The following ITPR3 variants were observed in gnomAD, a reference collection of about 807,000 sequenced individuals.
ITPR3 encodes inositol 1,4,5-trisphosphate-gated calcium channel ITPR3.
A neutral mutation model predicts 293.2 loss-of-function variants in ITPR3; 173 were observed. The ratio of observed to expected loss-of-function variants is 0.59; its 90% CI spans 0.52 to 0.67. The LOEUF (loss-of-function observed/expected upper bound fraction) is 0.67. ITPR3 is among the 30% of genes least tolerant of loss of function. The pLI, the probability that ITPR3 is intolerant of heterozygous loss-of-function variation, is 0.00. For missense variants in ITPR3, 2,796 were observed against 3,592.1 expected (o/e 0.78, Z 5.66); for synonymous variants, 1,295 against 1,444.4 (o/e 0.90, Z 2.35).
intron 1 of ITPR3, among the ~76,000 whole-genome samples, chr6:33,639,476 G>T (rs930655456): frequency 3.9e-5 from 6 of 152,032 alleles, no homozygotes; most frequent in Non-Finnish European, 8.8e-5. Flanking sequence ...GTGGGTTTAG[G>T]CAAGTTATTT....
rs1216993977 is a variant in ITPR3 at position 33,684,927 on chromosome 6, G to T, written c.5291G>T (p.Gly1764Val). ...IGLAIHLLDG[G>V]NTEIQKSFHN... ...CTGGCCATCCACCTGCTGGATGGTG[G>T]CAACACAGAGATCCAGGTGTGGGGG... is the stretch of plus-strand genomic sequence containing the variant. Residue 1764 changes from glycine (G) to valine (V), a missense_variant, in exon 39 of 58, where the codon GGC becomes GTC. Coordinates refer to ENST00000605930, the MANE Select transcript of ITPR3 (RefSeq NM_002224.4). The surrounding 1 kb of genome is among the most constrained non-coding windows in gnomAD (Gnocchi z 4.2). The T allele has an allele frequency of 5.0e-6, 8 of 1,611,742 alleles. No individual in the cohort carries two copies. Among genetic ancestry groups the T allele is most frequent in the Non-Finnish European group, 1.7e-6 (2 of 1,178,614 alleles).
Position 33,685,450 on chromosome 6 carries a change from C to G in ITPR3, c.5399C>G (p.Thr1800Ser). The G allele has an allele frequency of 6.2e-7, 1 of 1,614,062 alleles. No homozygotes were observed. Among genetic ancestry groups the G allele is most frequent in the Non-Finnish European group, 8.5e-7 (1 of 1,180,012 alleles). Residue 1800 changes from threonine to serine, a missense_variant, in exon 40 of 58, where the codon ACC becomes AGC. This residue lies in a region of ITPR3 where 704 missense variants were observed against 797.5 expected (regional missense o/e 0.88). Coordinates refer to ENST00000605930, the MANE Select transcript of ITPR3 (RefSeq NM_002224.4). Reference protein sequence around the residue: ...HDRMKRAQQETKSTVAVNMND... With the variant: ...HDRMKRAQQESKSTVAVNMND... ...CGCATGAAGCGGGCCCAGCAGGAGA[C>G]CAAGTCCACGGTGGCAGTCAACATG...
At position 33,684,854 on chromosome 6, in the gene ITPR3, C is replaced by T. The variant is rs768735301; in HGVS notation, c.5218C>T (p.Leu1740Phe). The stretch of plus-strand genomic sequence containing the variant: ...GGGGGCCACCAAGTTGGTATGCGAC[C>T]TCATCACCAGCACCAAGAACGAGAA... ...KEGATKLVCD[L>F]ITSTKNEKIF... The change falls in exon 39 of 58, where the codon CTC (leucine) becomes TTC (phenylalanine). Residue 1740 changes from leucine to phenylalanine, a missense_variant. By Grantham distance (22) the Leu-to-Phe change is conservative (BLOSUM62 0). Transcript: ENST00000605930. This position sits in a 1 kb window ranked among gnomAD's most constrained non-coding sequence, Gnocchi z 4.2. The T allele has an allele frequency of 6.2e-7, 1 of 1,614,136 alleles. No homozygotes were observed. The highest frequency in any genetic ancestry group is 2.2e-5 in the East Asian group (1 of 44,874).
At position 33,690,147 on chromosome 6, in the gene ITPR3, C is replaced by A; in HGVS notation, c.6981C>A (p.Ile2327=). 1 of 1,614,200 alleles carries A rather than the reference C, an allele frequency of 6.2e-7. No individual in the cohort carries two copies. ...AATTCCTCTACCACGTGGGCTACAT[C>A]CTGACCAGTGTCCTGGGCCTCTTTG... ...DMEFLYHVGY[I]LTSVLGLFAH... is the part of the protein sequence containing the mutation. Residue 2327 remains isoleucine, a synonymous_variant, in exon 51 of 58, where the codon ATC becomes ATA. Coordinates refer to ENST00000605930, the MANE Select transcript of ITPR3 (RefSeq NM_002224.4).
rs527588045 is a variant in ITPR3, at chr6:33,675,346, C to T, written c.3117-345C>T. On this transcript the variant is annotated intron_variant, in intron 24 of 57. Transcript: ENST00000605930. The surrounding 1 kb of genome is among the most constrained non-coding windows in gnomAD (Gnocchi z 5.0). Reference sequence around the variant, plus strand: ...CTGAAGCAGGAGAATCATTTGAATCCGGGAGGTGGAGGTTGCAGTGAGCCA... The same window carrying T: ...CTGAAGCAGGAGAATCATTTGAATCTGGGAGGTGGAGGTTGCAGTGAGCCA... 1.3e-5 allele frequency among the ~76,000 whole-genome samples: 2 copies of T among 151,466 alleles called. No homozygotes were observed. The highest frequency in any genetic ancestry group is 2.1e-4 in the South Asian group (1 of 4,786).
At chr6:33,663,215 C>T (rs1764520688) in intron 9 of ITPR3, among the ~76,000 whole-genome samples, 1 of 152,228 alleles carries the variant, frequency 6.6e-6, no homozygotes, top group Non-Finnish European at 1.5e-5. Flanking sequence ...ATGTGCCAGG[C>T]ACTATTCTAG....
At chr6:33,642,383 G>A (rs1468438388) in intron 2 of ITPR3, among the ~76,000 whole-genome samples, 3 of 152,102 alleles carry the variant, frequency 2.0e-5, no homozygotes, top group African/African-American at 7.2e-5. Context: ...ATTTAGTCTA[G>A]TTCTTGGAAA....
chr6:33,673,803 C>G (rs1764834022), intron 23 of ITPR3, 83 bp downstream of exon 23: 9 of 1,497,748 alleles, frequency 6.0e-6, no homozygotes, highest in Non-Finnish European at 8.2e-6. Context: ...AGCTCCTCAG[C>G]CCTGCTCCTT....
intron 1 of ITPR3, among the ~76,000 whole-genome samples, chr6:33,636,301 C>CA (rs1763822911): frequency 6.6e-6 from 1 of 151,110 alleles, no homozygotes; most frequent in Admixed American, 6.6e-5. Context: ...GACTCTGTCT[C>CA]AAAAAAATAA....
intron 1 of ITPR3, among the ~76,000 whole-genome samples, chr6:33,630,396 TGA>T (rs1763647766): frequency 6.6e-6 from 1 of 152,220 alleles, no homozygotes; most frequent in Non-Finnish European, 1.5e-5. Flanking sequence ...TGAGAAAGAC[TGA>T]GAGAGTCCAG....
At chr6:33,693,925 A>G (rs904097323) in intron 56 of ITPR3, among the ~76,000 whole-genome samples, 3 of 152,258 alleles carry the variant, frequency 2.0e-5, no homozygotes, top group African/African-American at 7.2e-5. Context: ...AGCTGGAAGC[A>G]GCTCTGGGCT....
chr6:33,637,532 G>T (rs992022699), intron 1 of ITPR3, among the ~76,000 whole-genome samples: 9 of 152,098 alleles, frequency 5.9e-5, no homozygotes, highest in Non-Finnish European at 1.0e-4. Context: ...GCAATGGCTC[G>T]ATCTCAGCAC....
rs758308823 is a variant in ITPR3, at chr6:33,659,550, G to A, written c.711+1G>A. ...CCACCTGGAGGAGGTGTTGAAAGGGGTAAGGACTGGGAACCCCTGCCCTGC... is the reference window on the plus strand; with the variant it reads ...CCACCTGGAGGAGGTGTTGAAAGGGATAAGGACTGGGAACCCCTGCCCTGC... On this transcript the variant is annotated splice_donor_variant, in intron 7 of 57. Transcript: ENST00000605930. LOFTEE classifies it high-confidence loss of function. 3.1e-6 allele frequency: 5 copies of A among 1,613,328 alleles called. No homozygotes were observed. The East Asian group carries it at 8.9e-5, about 29-fold the overall frequency.
rs1765143336 is a variant in ITPR3 at position 33,683,671 on chromosome 6, C to T, written c.4788+274C>T. On this transcript the variant is annotated intron_variant, in intron 35 of 57. Coordinates refer to ENST00000605930, the MANE Select transcript of ITPR3 (RefSeq NM_002224.4). The surrounding 1 kb of genome is among the most constrained non-coding windows in gnomAD (Gnocchi z 4.5). ...AGGGGGTCGGGACCACCCCTCACTC[C>T]TGCAGCGCCCTCCTGTCTATGCAGC... Among the ~76,000 whole-genome samples the T allele has an allele frequency of 6.6e-6, 1 of 152,192 alleles. No homozygotes were observed. Among genetic ancestry groups the T allele is most frequent in the Non-Finnish European group, 1.5e-5 (1 of 68,032 alleles).
chr6:33,695,889 C>T lies in ITPR3; in HGVS notation c.*109C>T. The T allele has an allele frequency of 2.0e-6, 2 of 1,005,660 alleles. No individual in the cohort carries two copies. Among genetic ancestry groups the T allele is most frequent in the East Asian group, 2.5e-5 (1 of 40,042 alleles). The allele number at this position is 1,005,660 out of a possible 1,614,324, so 62.3% of individuals were successfully genotyped here. On this transcript the variant is annotated 3_prime_UTR_variant, in exon 58 of 58. Coordinates refer to ENST00000605930, the MANE Select transcript of ITPR3 (RefSeq NM_002224.4). ...GGTGGCCCAGCCAGCTGGCCAGCCT[C>T]CACTCCCACTCTGCCAGACACCCTG...
At chr6:33,662,229 G>T (rs561317246) in intron 7 of ITPR3, among the ~76,000 whole-genome samples, 1 of 152,030 alleles carries the variant, frequency 6.6e-6, no homozygotes, top group Admixed American at 6.5e-5. Context: ...GCCGTTAGAG[G>T]TTAGGCAGGG....
rs571739413 is a variant in ITPR3 at position 33,677,023 on chromosome 6, G to A, written c.3456G>A (p.Thr1152=). Residue 1152 remains threonine, a synonymous_variant, in exon 27 of 58, where the codon ACG becomes ACA. Coordinates refer to ENST00000605930, the MANE Select transcript of ITPR3 (RefSeq NM_002224.4). Reference sequence around the variant, plus strand: ...CCTCTCTCTGCTTTCAGCGTCCCACGGACGAGGAGGGCTTTCTGCACCCAC... The same window carrying A: ...CCTCTCTCTGCTTTCAGCGTCCCACAGACGAGGAGGGCTTTCTGCACCCAC... ...GAAKDKKERP[T]DEEGFLHPPG... 1.5e-5 allele frequency: 25 copies of A among 1,614,174 alleles called. No homozygotes were observed. In the African/African-American group the frequency reaches 1.9e-4, roughly 12 times the overall value.
At chr6:33,665,706 T>A in intron 13 of ITPR3, 129 bp from the exon 14 acceptor site, 1 of 982,962 alleles carries the variant, frequency 1.0e-6, no homozygotes, top group South Asian at 1.6e-5. Context: ...AGGCTGAGGA[T>A]GGGTTTTGTG....
intron 1 of ITPR3, among the ~76,000 whole-genome samples, chr6:33,629,800 TC>T (rs1763631511): frequency 6.6e-6 from 1 of 151,222 alleles, no homozygotes; most frequent in Admixed American, 6.6e-5. Flanking sequence ...TTTCTTTAAA[TC>T]AGGATCCTAG....
Sources: allele counts gnomAD v4.1 joint callset (sites outside exome capture counted in the v4.1 genomes callset), GRCh38; gene constraint gnomAD v4.1.1; regional missense constraint gnomAD v4.1.1; non-coding constraint Gnocchi (gnomAD v3.1); transcripts MANE v1.5; gene names NCBI Gene and HGNC (gene_info 2026-07-23, HGNC 2026-07-21).